STYXL2: variants seen among roughly 807,000 people sequenced by gnomAD.
STYXL2 encodes serine/threonine/tyrosine interacting like 2, also known as serine/threonine/tyrosine-interacting-like protein 2.
Under a neutral mutation model 52.4 loss-of-function variants are expected in STYXL2, and 44 were observed. The observed-to-expected ratio is 0.84, with a 90% confidence interval of 0.66 to 1.08. The LOEUF (loss-of-function observed/expected upper bound fraction) is 1.08, where lower values mean the gene tolerates loss of function less well. Among genes scored for constraint, STYXL2 ranks in the 50% least tolerant of loss-of-function variants. The pLI is 0.00. For synonymous variants in STYXL2, 604 were observed against 586.9 expected, an observed-to-expected ratio of 1.03 and a Z score of -0.42; for missense variants, 1,604 against 1,471.7, an observed-to-expected ratio of 1.09 and a Z score of -1.47.
Position 167,127,424 on chromosome 1 carries a change from G to A in STYXL2, c.2293G>A (p.Asp765Asn). ...KAVPAASCLG[D>N]DQVSMLSGHS... is the part of the protein sequence containing the mutation. ...AGTACCAGCGGCTAGCTGCCTGGGG[G>A]ATGACCAAGTCTCCATGCTTAGTGG... The change falls in exon 6 of 6, where the codon GAT (aspartate) becomes AAT (asparagine). Residue 765 changes from aspartate to asparagine, a missense_variant. Asp to Asn is a conservative substitution (Grantham distance 23, BLOSUM62 1). Transcript: ENST00000361200. The A allele has an allele frequency of 1.2e-6, 2 of 1,613,986 alleles. No individual in the cohort carries two copies. The highest frequency in any genetic ancestry group is 2.2e-5 in the East Asian group (1 of 44,880).
At chr1:167,113,671 G>T (rs1321576097) in intron 2 of STYXL2, 39 bp from the exon 3 acceptor site, 1 of 1,477,746 alleles carries the variant, frequency 6.8e-7, no homozygotes, top group Admixed American at 1.7e-5. Context: ...CAGTTCAGAT[G>T]CTACAGGCTT....
At chr1:167,106,669 A>G (rs1035037251) in intron 2 of STYXL2, among the ~76,000 whole-genome samples, 3 of 152,214 alleles carry the variant, frequency 2.0e-5, no homozygotes, top group Non-Finnish European at 4.4e-5. Flanking sequence ...CTTTGATTCT[A>G]GTTTTATGAA....
At chr1:167,114,897 T>C (rs1221146158) in intron 3 of STYXL2, among the ~76,000 whole-genome samples, 1 of 152,148 alleles carries the variant, frequency 6.6e-6, no homozygotes, top group African/African-American at 2.4e-5. Context: ...AGCACCACTA[T>C]AGCTCTAGAA....
Position 167,126,443 on chromosome 1 carries a change from A to G in STYXL2, c.1312A>G (p.Ser438Gly). The change falls in exon 6 of 6, where the codon AGC (serine) becomes GGC (glycine). Residue 438 changes from serine to glycine, a missense_variant. Transcript: ENST00000361200. The part of the protein sequence containing the change: ...GRRRRTLSES[S>G]AWESVSSHDI... ...GCGGCGGCGCACCCTGAGCGAGAGC[A>G]GCGCCTGGGAGAGCGTGAGCAGCCA... The G allele has an allele frequency of 6.3e-7, 1 of 1,577,388 alleles. No individual in the cohort carries two copies. Among genetic ancestry groups the G allele is most frequent in the East Asian group, 2.3e-5 (1 of 43,050 alleles).
Position 167,128,821 on chromosome 1 carries a change from A to G in STYXL2, c.*213A>G. The G allele has an allele frequency of 1.5e-6, 1 of 687,258 alleles. No homozygotes were observed. Among genetic ancestry groups the G allele is most frequent in the Non-Finnish European group, 2.2e-6 (1 of 445,472 alleles). The allele number at this position is 687,258 out of a possible 1,614,324, so 42.6% of individuals were successfully genotyped here. A position where few individuals can be genotyped will look rare whatever the true frequency, so the allele number is the denominator to read the frequency against. The stretch of plus-strand genomic sequence containing the variant: ...ACCATCAATACGAATACGAGGTCCG[A>G]ATGCGGACCAACTGATACCATTTTC... On this transcript the variant is annotated 3_prime_UTR_variant, in exon 6 of 6. Transcript: ENST00000361200.
At chr1:167,099,436 T>C (rs1364348094) in intron 2 of STYXL2, among the ~76,000 whole-genome samples, 2 of 152,212 alleles carry the variant, frequency 1.3e-5, no homozygotes, top group Non-Finnish European at 2.9e-5. Context: ...TCAAAATAGA[T>C]CATATACTGG....
chr1:167,123,413 T>C (rs969690256), intron 5 of STYXL2, among the ~76,000 whole-genome samples: 1 of 152,172 alleles, frequency 6.6e-6, no homozygotes, highest in African/African-American at 2.4e-5. Context: ...GACTGGCTGG[T>C]CATGTCCTGA....
intron 2 of STYXL2, among the ~76,000 whole-genome samples, chr1:167,110,102 G>A (rs940683792): frequency 5.3e-5 from 8 of 152,162 alleles, no homozygotes; most frequent in Non-Finnish European, 1.2e-4. Flanking sequence ...TCCACTGGGT[G>A]GCTGGACCCA....
intron 5 of STYXL2, among the ~76,000 whole-genome samples, chr1:167,124,971 A>G (rs185571344): frequency 5.3e-4 from 79 of 150,018 alleles, no homozygotes; most frequent in African/African-American, 1.9e-3. Flanking sequence ...AAAAACCCTG[A>G]TAAATTCAAG....
rs748539969 is a variant in STYXL2, at chr1:167,127,658, A to T, written c.2527A>T (p.Met843Leu). 1.9e-6 allele frequency: 3 copies of T among 1,614,038 alleles called. No individual in the cohort carries two copies. The highest frequency in any genetic ancestry group is 2.7e-5 in the African/African-American group (2 of 74,916). Reference sequence around the variant, plus strand: ...GGAACTTGGCCGGAAGGAGAAGGAGATGCAGATGGAGCTTAGGGAGAAGAT... The same window carrying T: ...GGAACTTGGCCGGAAGGAGAAGGAGTTGCAGATGGAGCTTAGGGAGAAGAT... ...LKELGRKEKE[M>L]QMELREKMSE... The change falls in exon 6 of 6, where the codon ATG (methionine) becomes TTG (leucine). Residue 843 changes from methionine (M) to leucine (L), a missense_variant. By Grantham distance (15) the Met-to-Leu change is conservative. Transcript: ENST00000361200.
chr1:167,116,913 G>C (rs1667736238), intron 3 of STYXL2, among the ~76,000 whole-genome samples: 2 of 152,182 alleles, frequency 1.3e-5, no homozygotes, highest in Admixed American at 6.5e-5. Flanking sequence ...GCCTCCCAAA[G>C]TGCTGGGGTT....
intron 2 of STYXL2, among the ~76,000 whole-genome samples, chr1:167,104,635 C>T (rs1024662952): frequency 1.3e-5 from 2 of 152,152 alleles, no homozygotes; most frequent in African/African-American, 4.8e-5. Context: ...TTTCACTAAG[C>T]CTGTTGGAAG....
intron 3 of STYXL2, among the ~76,000 whole-genome samples, chr1:167,115,125 A>G (rs896980402): frequency 1.4e-4 from 21 of 152,238 alleles, no homozygotes; most frequent in African/African-American, 5.1e-4. Flanking sequence ...CATTCAGTCT[A>G]GTTTGAAGCC....
In STYXL2 at chr1:167,119,332, C is replaced by T. The variant is rs1290225945; in HGVS notation, c.521C>T (p.Thr174Ile). Residue 174 changes from threonine to isoleucine, a missense_variant, in exon 5 of 6, where the codon ACT (threonine) becomes ATT (isoleucine). Physicochemically the swap from Thr to Ile is moderately conservative, Grantham distance 89. Transcript: ENST00000361200. ...LNAAHGTGVY[T>I]GPEFYTGLEI... ...GCTGCGCATGGCACCGGCGTTTACA[C>T]TGGCCCCGAATTCTACACTGGCCTG... The T allele has an allele frequency of 6.2e-7, 1 of 1,614,092 alleles. No individual in the cohort carries two copies.
intron 3 of STYXL2, among the ~76,000 whole-genome samples, chr1:167,116,801 T>A (rs7520487): frequency 6.6e-6 from 1 of 151,682 alleles, no homozygotes; most frequent in Non-Finnish European, 1.5e-5. Context: ...ACAGGCACTC[T>A]CCACCACGCT....
chr1:167,109,774 A>G (rs988543794), intron 2 of STYXL2, among the ~76,000 whole-genome samples: 1 of 152,216 alleles, frequency 6.6e-6, no homozygotes, highest in African/African-American at 2.4e-5. Context: ...AGCTCAAGCC[A>G]TTACAACAAC....
At chr1:167,094,767 A>G in intron 1 of STYXL2, 67 bp from the exon 2 acceptor site, 2 of 1,128,110 alleles carry the variant, frequency 1.8e-6, no homozygotes, top group Non-Finnish European at 2.6e-6. Context: ...TCACCAACAC[A>G]ACTTCTCCCC....
At position 167,117,462 on chromosome 1, in the gene STYXL2, T is replaced by C. The variant is rs1667752930; in HGVS notation, c.340T>C (p.Cys114Arg). The change falls in exon 4 of 6, where the codon TGT becomes CGT. Residue 114 changes from cysteine (C) to arginine (R), a missense_variant. Coordinates refer to ENST00000361200, the MANE Select transcript of STYXL2 (RefSeq NM_001080426.3). ...TGACACCAGCCTCTATAATACGCCCTGTGTCCTGGACCTACAGCGGGCCCT... is the reference window on the plus strand; with the variant it reads ...TGACACCAGCCTCTATAATACGCCCCGTGTCCTGGACCTACAGCGGGCCCT... ...MDDTSLYNTP[C>R]VLDLQRALVQ... The C allele has an allele frequency of 1.2e-6, 2 of 1,612,668 alleles. No individual in the cohort carries two copies. Among genetic ancestry groups the C allele is most frequent in the South Asian group, 2.2e-5 (2 of 90,534 alleles).
chr1:167,111,551 A>T (rs1667623846), intron 2 of STYXL2, among the ~76,000 whole-genome samples: 1 of 146,456 alleles, frequency 6.8e-6, no homozygotes, highest in Non-Finnish European at 1.5e-5. Context: ...TATACTATGG[A>T]ATAATACTTA....
Sources: allele counts gnomAD v4.1 joint callset (sites outside exome capture counted in the v4.1 genomes callset), GRCh38; gene constraint gnomAD v4.1.1; transcripts MANE v1.5; gene names NCBI Gene and HGNC (gene_info 2026-07-23, HGNC 2026-07-21).